PTPRN2: variants seen among roughly 807,000 people sequenced by gnomAD.
PTPRN2 encodes receptor-type tyrosine-protein phosphatase N2.
In PTPRN2, 74 loss-of-function variants were observed where a neutral mutation model predicts 118.8. The observed-to-expected ratio is 0.62, with a 90% CI of 0.52 to 0.76. The LOEUF (loss-of-function observed/expected upper bound fraction) is 0.76, where lower values mean the gene tolerates loss of function less well. Ranked by LOEUF, PTPRN2 falls within the 30% of genes least tolerant of loss-of-function variation. PTPRN2 has a pLI of 0.00. For synonymous variants in PTPRN2, 641 were observed against 608.0 expected, an observed-to-expected ratio of 1.05 and a Z score of -0.80; for missense variants, 1,481 against 1,394.4, an observed-to-expected ratio of 1.06 and a Z score of -0.99.
At chr7:158,535,082 C>CT (rs1825568504) in intron 1 of PTPRN2, among the ~76,000 whole-genome samples, 1 of 152,214 alleles carries the variant, frequency 6.6e-6, no homozygotes. Flanking sequence ...ATCTCCCAGC[C>CT]TGGGAATGTC....
rs114340793 is a variant in PTPRN2 at position 158,525,829 on chromosome 7, C to T, written c.113-36044G>A. On this transcript the variant is annotated intron_variant, in intron 1 of 22. Coordinates refer to ENST00000389418, the MANE Select transcript of PTPRN2 (RefSeq NM_002847.5). The surrounding 1 kb of genome is among the most constrained non-coding windows in gnomAD (Gnocchi z 4.1). ...TGTGCTCACACAGTGTGGAAGCTCC[C>T]GCTTCAGCAAGAGGAAAGCCCCGAT... Among the ~76,000 whole-genome samples the T allele has an allele frequency of 2.7e-3, 411 of 152,258 alleles. 3 individuals carry two copies. Among genetic ancestry groups the T allele is most frequent in the African/African-American group, 9.4e-3 (389 of 41,556 alleles).
intron 11 of PTPRN2, among the ~76,000 whole-genome samples, chr7:158,000,454 G>C (rs962938156): frequency 6.6e-6 from 1 of 151,952 alleles, no homozygotes; most frequent in Non-Finnish European, 1.5e-5. Flanking sequence ...GAAAGCACCT[G>C]GTCACCACTA....
rs17837784 is a variant in PTPRN2, at chr7:157,596,905, C to T, written c.2419-1590G>A. On this transcript the variant is annotated intron_variant, in intron 16 of 22. Transcript: ENST00000389418. This position sits in a 1 kb window ranked among gnomAD's most constrained non-coding sequence, Gnocchi z 4.2. ...ACAGTGAAAAATGAGCAAATTTTAA[C>T]CCTATGCAATTTTAAGCCAACGCAC... 1.5e-3 allele frequency among the ~76,000 whole-genome samples: 226 copies of T among 152,262 alleles called. 4 individuals carry two copies. The East Asian group carries it at 0.041, about 28-fold the overall frequency.
rs924088805 is a variant in PTPRN2 at position 158,076,435 on chromosome 7, C to G, written c.1723+4863G>C. On this transcript the variant is annotated intron_variant, in intron 11 of 22. Coordinates refer to ENST00000389418, the MANE Select transcript of PTPRN2 (RefSeq NM_002847.5). ...TGGGAGTCAGATGAGGAACGTCTGC[C>G]GCTTGTGGACCAATGCTGCAGCAGC... 2.0e-5 allele frequency among the ~76,000 whole-genome samples: 3 copies of G among 152,322 alleles called. No individual in the cohort carries two copies. In the South Asian group the frequency reaches 6.2e-4, roughly 32 times the overall value.
At chr7:158,244,981 G>A (rs1185591630) in intron 3 of PTPRN2, among the ~76,000 whole-genome samples, 5 of 152,236 alleles carry the variant, frequency 3.3e-5, no homozygotes, top group Admixed American at 3.3e-4. Flanking sequence ...GCAGTTCGAA[G>A]CCCCTGCTCC....
chr7:158,506,070 G>C (rs1822724830), intron 1 of PTPRN2, among the ~76,000 whole-genome samples: 1 of 152,112 alleles, frequency 6.6e-6, no homozygotes, highest in Non-Finnish European at 1.5e-5. Flanking sequence ...CAGAGGGCTT[G>C]GGACGTGCTC....
At chr7:158,170,446 A>G (rs1823434110) in intron 5 of PTPRN2, among the ~76,000 whole-genome samples, 1 of 152,266 alleles carries the variant, frequency 6.6e-6, no homozygotes, top group East Asian at 1.9e-4. Flanking sequence ...GACTAGGTTC[A>G]GTGCATTACA....
intron 20 of PTPRN2, among the ~76,000 whole-genome samples, chr7:157,570,669 T>C (rs1204500802): frequency 6.6e-6 from 1 of 152,212 alleles, no homozygotes; most frequent in South Asian, 2.1e-4. Context: ...ACTGAATTTT[T>C]ACCCAGAGGC....
chr7:157,933,008 G>C (rs911303331), intron 11 of PTPRN2, among the ~76,000 whole-genome samples: 1 of 149,342 alleles, frequency 6.7e-6, no homozygotes, highest in African/African-American at 2.5e-5. Flanking sequence ...CAGTTTTAGA[G>C]GAGGGGTGAG....
intron 12 of PTPRN2, among the ~76,000 whole-genome samples, chr7:157,702,370 T>TA (rs1422295323): frequency 6.6e-6 from 1 of 152,112 alleles, no homozygotes; most frequent in Non-Finnish European, 1.5e-5. Context: ...GAAAGCCTGG[T>TA]AGGTGCTGGT....
chr7:157,695,699 C>A (rs1298642243), intron 12 of PTPRN2, among the ~76,000 whole-genome samples: 7 of 152,224 alleles, frequency 4.6e-5, no homozygotes, highest in Non-Finnish European at 1.0e-4. Context: ...ATGTATTAAC[C>A]ACCAGTAGTT....
At chr7:157,612,606 T>G (rs997906232) in intron 15 of PTPRN2, among the ~76,000 whole-genome samples, 3 of 152,182 alleles carry the variant, frequency 2.0e-5, no homozygotes, top group Non-Finnish European at 4.4e-5. Flanking sequence ...GTCTTGGGGC[T>G]GCCAGGGGAG....
intron 11 of PTPRN2, among the ~76,000 whole-genome samples, chr7:158,018,248 C>T (rs73169768): frequency 0.051 from 7,700 of 152,308 alleles, 252 homozygotes; most frequent in Admixed American, 0.085. Context: ...TGCTTGTTCA[C>T]AGGCGCCGCT....
At chr7:158,312,213 C>CCAACACACAT (rs59788436) in intron 3 of PTPRN2, among the ~76,000 whole-genome samples, 1 of 141,008 alleles carries the variant, frequency 7.1e-6, no homozygotes, top group African/African-American at 2.7e-5. Context: ...TGCACACACA[C>CCAACACACAT]GTGCTCACAG....
At chr7:157,667,792 G>A (rs376993126) in intron 13 of PTPRN2, among the ~76,000 whole-genome samples, 2 of 152,356 alleles carry the variant, frequency 1.3e-5, no homozygotes, top group South Asian at 2.1e-4. Flanking sequence ...CAGCGCGTCC[G>A]CACCCAGGCG....
chr7:158,083,677 C>A (rs1424396225), intron 10 of PTPRN2, among the ~76,000 whole-genome samples: 1 of 152,220 alleles, frequency 6.6e-6, no homozygotes, highest in African/African-American at 2.4e-5. Flanking sequence ...GTCACCATTG[C>A]GTGGGGCTGT....
chr7:158,545,360 G>GGCCACAT (rs1436221890), intron 1 of PTPRN2, among the ~76,000 whole-genome samples: 3 of 152,196 alleles, frequency 2.0e-5, no homozygotes, highest in African/African-American at 7.2e-5. Flanking sequence ...CGCAGTGGGA[G>GGCCACAT]GCCACATGCG....
chr7:157,764,721 T>C lies in PTPRN2; in HGVS notation c.1789-81784A>G, dbSNP rs1465528329. 6.6e-6 allele frequency among the ~76,000 whole-genome samples: 1 copy of C among 152,192 alleles called. No individual in the cohort carries two copies. The highest frequency in any genetic ancestry group is 2.4e-5 in the African/African-American group (1 of 41,438). ...TAAAGGTTAAAAATCACAAATGTTA[T>C]ATATTTTACCACAATAAAAAATTAA... On this transcript the variant is annotated intron_variant, in intron 12 of 22. Coordinates refer to ENST00000389418, the MANE Select transcript of PTPRN2 (RefSeq NM_002847.5). The surrounding 1 kb of genome is among the most constrained non-coding windows in gnomAD (Gnocchi z 4.5).
At chr7:157,826,183 G>C (rs978456808) in intron 12 of PTPRN2, among the ~76,000 whole-genome samples, 1 of 150,122 alleles carries the variant, frequency 6.7e-6, no homozygotes, top group African/African-American at 2.5e-5. Flanking sequence ...ATTTCCACGC[G>C]TGCTGTGCAA....
Sources: allele counts gnomAD v4.1 joint callset (sites outside exome capture counted in the v4.1 genomes callset), GRCh38; gene constraint gnomAD v4.1.1; non-coding constraint Gnocchi (gnomAD v3.1); transcripts MANE v1.5; gene names NCBI Gene and HGNC (gene_info 2026-07-23, HGNC 2026-07-21).